The following ANKRD26 variants were observed in gnomAD, a reference collection of about 807,000 sequenced individuals.
ANKRD26 encodes ankyrin repeat domain-containing protein 26.
In ANKRD26, 141 loss-of-function variants were observed where a neutral mutation model predicts 208.7. That is an observed-to-expected ratio of 0.68 (90% confidence interval 0.59 to 0.78). ANKRD26 has a LOEUF of 0.78. ANKRD26 is among the 30% of genes least tolerant of loss of function. ANKRD26 has a pLI of 0.00. For synonymous variants in ANKRD26, 636 were observed against 660.4 expected (o/e 0.96, Z 0.57); for missense variants, 1,889 against 1,938.7 (o/e 0.97, Z 0.48).
At chr10:26,950,939 T>C in the ANKRD26 span, among the ~76,000 whole-genome samples, 1 of 151,946 alleles carries the variant, frequency 6.6e-6, no homozygotes, top group East Asian at 1.9e-4. Context: ...ATGGCCACTA[T>C]TTCTTCTATA....
At chr10:26,984,753 T>C (rs74128514) in intron 3 of ANKRD26, among the ~76,000 whole-genome samples, 362 of 152,270 alleles carry the variant, frequency 2.4e-3, no homozygotes, top group African/African-American at 8.3e-3. Context: ...AGGGTATAGT[T>C]GATGTTTCAC....
At chr10:26,971,332 G>A (rs922087666), downstream of ANKRD26, among the ~76,000 whole-genome samples, 12 of 152,036 alleles carry the variant, frequency 7.9e-5, no homozygotes, top group African/African-American at 2.7e-4. Flanking sequence ...ACAGTGAGCC[G>A]AGATTGCTCC....
the ANKRD26 span, among the ~76,000 whole-genome samples, chr10:26,967,701 C>A: frequency 6.6e-6 from 1 of 152,204 alleles, no homozygotes; most frequent in Non-Finnish European, 1.5e-5. Context: ...CTTCTTTCCA[C>A]TTCCTCAAAC....
At chr10:26,974,641 A>T (rs1445483114) in exon 6 of ANKRD26, among the ~76,000 whole-genome samples, 1 of 152,032 alleles carries the variant, frequency 6.6e-6, no homozygotes, top group Non-Finnish European at 1.5e-5. Context: ...TGCCCGGCCT[A>T]CCTCTGCATG....
intron 25 of ANKRD26, chr10:27,030,701 T>C: frequency 2.0e-6 from 1 of 508,092 alleles, no homozygotes; most frequent in Non-Finnish European, 2.5e-6. Context: ...GGTTTCTACT[T>C]ATATTTAATT....
At chr10:26,987,883 T>C (rs1564333600), downstream of ANKRD26, among the ~76,000 whole-genome samples, 1 of 152,172 alleles carries the variant, frequency 6.6e-6, no homozygotes, top group Admixed American at 6.5e-5. Flanking sequence ...GATACAGCTC[T>C]CACACAGTGA....
chr10:26,958,617 T>A, the ANKRD26 span, among the ~76,000 whole-genome samples: 1 of 152,172 alleles, frequency 6.6e-6, no homozygotes, highest in Non-Finnish European at 1.5e-5. Context: ...TCCAACTCCA[T>A]CCATGTCCCT....
intron 20 of ANKRD26, among the ~76,000 whole-genome samples, chr10:27,040,693 A>G (rs1263869876): frequency 1.3e-5 from 2 of 152,172 alleles, no homozygotes; most frequent in East Asian, 3.9e-4. Context: ...GTTTCAAGAG[A>G]GTGGACTCAG....
intron 18 of ANKRD26, among the ~76,000 whole-genome samples, chr10:27,044,867 A>T (rs11015475): frequency 0.012 from 1,860 of 152,098 alleles, 22 homozygotes; most frequent in South Asian, 0.036. Context: ...TAGCTCCAAA[A>T]CATATTTTGC....
intron 29 of ANKRD26, among the ~76,000 whole-genome samples, chr10:27,019,286 T>A (rs1442140487): frequency 1.3e-5 from 2 of 151,856 alleles, no homozygotes; most frequent in East Asian, 1.9e-4. Flanking sequence ...TAAAATAAAA[T>A]TTTAAAAAAT....
chr10:27,017,965 T>A lies in ANKRD26; in HGVS notation c.4216-173A>T, dbSNP rs183440188. Among the ~76,000 whole-genome samples, 10 of 152,214 alleles carry A rather than the reference T, an allele frequency of 6.6e-5. No individual in the cohort carries two copies. In the East Asian group the frequency reaches 1.7e-3, roughly 26 times the overall value. On this transcript the variant is annotated intron_variant, in intron 29 of 33. Transcript: ENST00000376087. ...ATTACCCAGAAAATCAAGAACAAAGTCAAAGCCACCAGGAGTCACAAAAAT... is the reference window on the plus strand; with the variant it reads ...ATTACCCAGAAAATCAAGAACAAAGACAAAGCCACCAGGAGTCACAAAAAT...
chr10:27,024,231 G>C (rs1002685775), intron 28 of ANKRD26, among the ~76,000 whole-genome samples: 1 of 152,190 alleles, frequency 6.6e-6, no homozygotes, highest in Non-Finnish European at 1.5e-5. Context: ...CAAAGGCATT[G>C]TTACTGCTTT....
rs1037717450 is a variant in ANKRD26 at position 27,053,420 on chromosome 10, A to G, written c.1565-30T>C. 9.2e-6 allele frequency: 13 copies of G among 1,416,662 alleles called. No homozygotes were observed. The African/African-American group carries it at 1.3e-4, about 14-fold the overall frequency. The allele number at this position is 1,416,662 out of a possible 1,614,324, so 87.8% of individuals were successfully genotyped here. The stretch of plus-strand genomic sequence containing the variant: ...AAAAATCCAAATATTTAGTTTAATG[A>G]ACTACTTAGAACAGTTAGGTAAAAG... On this transcript the variant is annotated intron_variant, in intron 15 of 33. Transcript: ENST00000376087.
intron 5 of ANKRD26, 41 bp downstream of exon 5, chr10:27,086,498 T>C: frequency 6.3e-7 from 1 of 1,598,000 alleles, no homozygotes. Context: ...TTTTTATCCA[T>C]GGTACTATTA....
chr10:27,082,701 TGG>T, intron 6 of ANKRD26, 100 bp downstream of exon 6: 1 of 1,454,576 alleles, frequency 6.9e-7, no homozygotes, highest in Non-Finnish European at 9.2e-7. Flanking sequence ...GACGACTATA[TGG>T]AGAAGCACAT....
intron 29 of ANKRD26, 128 bp downstream of exon 29, chr10:27,022,430 T>G (rs551487734): frequency 2.8e-6 from 2 of 704,460 alleles, no homozygotes; most frequent in East Asian, 3.4e-5. Flanking sequence ...TTAAAAAAAG[T>G]TTTTTTATTA....
At chr10:27,006,994 T>A in intron 32 of ANKRD26, 32 bp from the exon 33 acceptor site, 1 of 1,512,712 alleles carries the variant, frequency 6.6e-7, no homozygotes, top group South Asian at 1.1e-5. Flanking sequence ...TTATAATGTT[T>A]AAGTTAGACA....
chr10:27,041,042 AAAAAG>A lies in ANKRD26; in HGVS notation c.2162-869_2162-865del, dbSNP rs201815574. On this transcript the variant is annotated intron_variant, in intron 20 of 33. Transcript: ENST00000376087. ...CGAGACTCTGCCTCAGAAAAAAAAA[AAAAAG>A]AAAAGAAAACAAACAAAGGAAGTAA... Among the ~76,000 whole-genome samples the A allele has an allele frequency of 6.1e-3, 921 of 151,980 alleles. 35 individuals are homozygous for A. In the East Asian group the frequency reaches 0.11, roughly 18 times the overall value.
At chr10:27,076,746 G>C (rs752105559) in intron 9 of ANKRD26, among the ~76,000 whole-genome samples, 1 of 151,966 alleles carries the variant, frequency 6.6e-6, no homozygotes, top group Non-Finnish European at 1.5e-5. Context: ...AGAAAATCTA[G>C]AGGAAACTGA....
Sources: gnomAD v4.1 joint callset for allele counts (sites outside exome capture counted in the v4.1 genomes callset) on GRCh38, gnomAD v4.1.1 for gene constraint, MANE v1.5 for transcripts, NCBI Gene and HGNC (gene_info 2026-07-23, HGNC 2026-07-21) for gene names.